The following MCUB variants were observed in gnomAD, a reference collection of about 807,000 sequenced individuals.
MCUB encodes the protein mitochondrial calcium uniporter dominant negative subunit beta.
MCUB carries 46 observed loss-of-function variants against 41.4 expected under a neutral mutation model. The observed-to-expected ratio is 1.11, with a 90% CI of 0.88 to 1.42. The LOEUF (loss-of-function observed/expected upper bound fraction) is 1.42. Ranked by LOEUF, MCUB falls within the 40% of genes most tolerant of loss-of-function variation. The pLI, the probability that MCUB is intolerant of heterozygous loss-of-function variation, is 0.00. For missense variants in MCUB, 403 were observed against 404.9 expected, an observed-to-expected ratio of 1.00 and a Z score of 0.04; for synonymous variants, 148 against 148.2, an observed-to-expected ratio of 1.00 and a Z score of 0.01.
intron 1 of MCUB, among the ~76,000 whole-genome samples, chr4:109,633,147 A>T (rs1728512917): frequency 6.6e-6 from 1 of 152,202 alleles, no homozygotes; most frequent in Admixed American, 6.5e-5. Flanking sequence ...TAAATTTATA[A>T]CAGAAGCGAC....
chr4:109,670,112 A>G (rs141083346), intron 4 of MCUB, among the ~76,000 whole-genome samples: 2 of 152,346 alleles, frequency 1.3e-5, no homozygotes, highest in Admixed American at 1.3e-4. Flanking sequence ...GATATACTGG[A>G]TAAAGGGAAC....
chr4:109,565,114 T>A (rs1002311935), intron 1 of MCUB, among the ~76,000 whole-genome samples: 1 of 152,192 alleles, frequency 6.6e-6, no homozygotes, highest in Non-Finnish European at 1.5e-5. Context: ...ATGCATCACT[T>A]TTTTCCCATT....
intron 1 of MCUB, among the ~76,000 whole-genome samples, chr4:109,609,250 G>A (rs10027051): frequency 0.52 from 79,552 of 152,034 alleles, 21,212 homozygotes; most frequent in South Asian, 0.69. Flanking sequence ...GGAATAAAGA[G>A]TGGCTACTCC....
chr4:109,654,718 T>C lies in MCUB; in HGVS notation c.100-4293T>C, dbSNP rs1729050080. 2.0e-5 allele frequency among the ~76,000 whole-genome samples: 3 copies of C among 152,140 alleles called. No homozygotes were observed. In the South Asian group the frequency reaches 6.2e-4, roughly 32 times the overall value. On this transcript the variant is annotated intron_variant, in intron 1 of 7. Transcript: ENST00000394650. ...GTCTCCTGCCAATAGAATGTCAAATTCTCAGTTACTTCTTGTTTTGGACTA... is the reference window on the plus strand; with the variant it reads ...GTCTCCTGCCAATAGAATGTCAAATCCTCAGTTACTTCTTGTTTTGGACTA...
Position 109,577,696 on chromosome 4 carries a change from G to GC in MCUB, c.99+17266dup, listed in dbSNP as rs1727065411. 2.9e-5 allele frequency among the ~76,000 whole-genome samples: 2 copies of GC among 69,842 alleles called. 1 individual carries two copies. The highest frequency in any genetic ancestry group is 3.8e-4 in the Admixed American group (2 of 5,224). The allele number at this position is 69,842 out of a possible 152,430, so 45.8% of individuals were successfully genotyped here. A position where few individuals can be genotyped will look rare whatever the true frequency, so the allele number is the denominator to read the frequency against. ...GCGATCTCGGCTCACTGCAGGCTCC[G>GC]CCCCCCGGGGTTCACGCCATTCTCC... is the stretch of plus-strand genomic sequence containing the variant. On this transcript the variant is annotated intron_variant, in intron 1 of 7. Coordinates refer to ENST00000394650, the MANE Select transcript of MCUB (RefSeq NM_017918.5).
intron 7 of MCUB, 23 bp from the exon 8 acceptor site, chr4:109,687,492 G>C (rs201899061): frequency 2.4e-4 from 377 of 1,562,418 alleles, no homozygotes; most frequent in Non-Finnish European, 2.8e-4. Flanking sequence ...CTGATCACAT[G>C]CTTTTTCTTT....
Position 109,614,658 on chromosome 4 carries a change from C to G in MCUB, c.100-44353C>G, listed in dbSNP as rs573215251. 7.3e-4 allele frequency among the ~76,000 whole-genome samples: 109 copies of G among 149,832 alleles called. 2 individuals carry two copies. The highest frequency in any genetic ancestry group is 2.5e-3 in the African/African-American group (102 of 40,698). ...AGCATCCTAGATTGACTGAGACCCC[C>G]AGGGACTCAAGGTCGTGCTTGTGGT... On this transcript the variant is annotated intron_variant, in intron 1 of 7. Coordinates refer to ENST00000394650, the MANE Select transcript of MCUB (RefSeq NM_017918.5).
intron 1 of MCUB, among the ~76,000 whole-genome samples, chr4:109,634,666 T>G (rs1309351461): frequency 6.6e-6 from 1 of 152,220 alleles, no homozygotes. Flanking sequence ...CTTTGTGAGA[T>G]TCAATCATGT....
chr4:109,675,626 T>A (rs1236235454), intron 4 of MCUB, among the ~76,000 whole-genome samples: 1 of 152,206 alleles, frequency 6.6e-6, no homozygotes, highest in Non-Finnish European at 1.5e-5. Flanking sequence ...TTGAGTATGT[T>A]TCCCAAAGTT....
chr4:109,608,605 A>G (rs1178893556), intron 1 of MCUB, among the ~76,000 whole-genome samples: 81 of 151,418 alleles, frequency 5.3e-4, no homozygotes, highest in Non-Finnish European at 1.5e-5. Flanking sequence ...CTCCCACTCA[A>G]CCTCTTGAGT....
intron 7 of MCUB, among the ~76,000 whole-genome samples, chr4:109,686,455 T>G (rs1307423144): frequency 1.3e-5 from 2 of 152,208 alleles, no homozygotes; most frequent in Admixed American, 1.3e-4. Flanking sequence ...TTTTAAAAAA[T>G]GTATTTTATT....
chr4:109,573,313 C>T (rs1250740171), intron 1 of MCUB, among the ~76,000 whole-genome samples: 1 of 152,020 alleles, frequency 6.6e-6, no homozygotes, highest in East Asian at 1.9e-4. Flanking sequence ...ATTAGCCACG[C>T]GTGGTGGTGG....
chr4:109,679,470 AC>A (rs1275131715), intron 4 of MCUB, among the ~76,000 whole-genome samples: 1 of 151,958 alleles, frequency 6.6e-6, no homozygotes, highest in Non-Finnish European at 1.5e-5. Flanking sequence ...ACACGGCGAA[AC>A]CCCGTCTCCA....
chr4:109,669,493 G>A (rs1002615129), intron 4 of MCUB, among the ~76,000 whole-genome samples: 1 of 151,894 alleles, frequency 6.6e-6, no homozygotes, highest in Non-Finnish European at 1.5e-5. Context: ...ATACGTATGT[G>A]TAGTTTTCTC....
At chr4:109,614,347 C>T (rs1295938776) in intron 1 of MCUB, among the ~76,000 whole-genome samples, 1 of 151,998 alleles carries the variant, frequency 6.6e-6, no homozygotes, top group Non-Finnish European at 1.5e-5. Context: ...AACCTTAAGC[C>T]TCAATGGAGG....
At chr4:109,624,323 G>A (rs1479649757) in intron 1 of MCUB, among the ~76,000 whole-genome samples, 5 of 152,166 alleles carry the variant, frequency 3.3e-5, no homozygotes, top group African/African-American at 9.7e-5. Context: ...CATTTGCTCC[G>A]GCTGTTGAAG....
intron 1 of MCUB, chr4:109,648,514 C>T: frequency 2.7e-6 from 1 of 369,396 alleles, no homozygotes; most frequent in South Asian, 2.1e-5. Flanking sequence ...TCGTCTTGGG[C>T]TGTCCAGACC....
rs550245775 is a variant in MCUB at position 109,620,242 on chromosome 4, G to T, written c.100-38769G>T. 1.3e-4 allele frequency among the ~76,000 whole-genome samples: 20 copies of T among 152,138 alleles called. No individual in the cohort carries two copies. The East Asian group carries it at 3.3e-3, about 25-fold the overall frequency. ...TTTAAATTCTGATATCCCAAAACAGGTTTTCAGAGGAGCAAATCCAGGCAC... is the reference window on the plus strand; with the variant it reads ...TTTAAATTCTGATATCCCAAAACAGTTTTTCAGAGGAGCAAATCCAGGCAC... On this transcript the variant is annotated intron_variant, in intron 1 of 7. Coordinates refer to ENST00000394650, the MANE Select transcript of MCUB (RefSeq NM_017918.5).
chr4:109,601,360 T>C (rs1198235805), intron 1 of MCUB, among the ~76,000 whole-genome samples: 2 of 152,008 alleles, frequency 1.3e-5, no homozygotes, highest in Non-Finnish European at 2.9e-5. Flanking sequence ...TTTGGGGGGG[T>C]ACCTGTTAAC....
Sources: gnomAD v4.1 joint callset for allele counts (sites outside exome capture counted in the v4.1 genomes callset) on GRCh38, gnomAD v4.1.1 for gene constraint, MANE v1.5 for transcripts, NCBI Gene and HGNC (gene_info 2026-07-23, HGNC 2026-07-21) for gene names.